Variants in ABCA13 observed in about 807,000 individuals in gnomAD.
The protein encoded by ABCA13 is ATP-binding cassette sub-family A member 13.
Under a neutral mutation model 478.7 loss-of-function variants are expected in ABCA13, and 476 were observed. That is an observed-to-expected ratio of 0.99 (90% CI 0.92 to 1.07). The LOEUF (loss-of-function observed/expected upper bound fraction) is 1.07, where lower values mean the gene tolerates loss of function less well. Among genes scored for constraint, ABCA13 ranks in the 50% least tolerant of loss-of-function variants. The pLI is 0.00. For missense variants in ABCA13, 6,060 were observed against 5,910.6 expected (o/e 1.03, Z -0.83); for synonymous variants, 2,252 against 2,158.9 (o/e 1.04, Z -1.20).
At chr7:48,540,437 A>G (rs1265392072) in intron 55 of ABCA13, among the ~76,000 whole-genome samples, 1 of 152,190 alleles carries the variant, frequency 6.6e-6, no homozygotes, top group East Asian at 1.9e-4. Context: ...TAGTTTAATT[A>G]TAACTAAATC....
intron 57 of ABCA13, among the ~76,000 whole-genome samples, chr7:48,593,374 A>G (rs58481134): frequency 0.12 from 18,862 of 151,504 alleles, 1,389 homozygotes; most frequent in East Asian, 0.18. Context: ...AACTGAACTT[A>G]TATCACATTA....
At chr7:48,397,228 G>A (rs1816958536) in intron 38 of ABCA13, among the ~76,000 whole-genome samples, 1 of 152,070 alleles carries the variant, frequency 6.6e-6, no homozygotes, top group African/African-American at 2.4e-5. Context: ...TGAGAATACA[G>A]CATATTGCTA....
At chr7:48,236,284 G>A (rs1412869033) in intron 8 of ABCA13, among the ~76,000 whole-genome samples, 1 of 152,102 alleles carries the variant, frequency 6.6e-6, no homozygotes, top group African/African-American at 2.4e-5. Flanking sequence ...TGGAGAAGCA[G>A]CTCTCTTTTT....
Position 48,372,236 on chromosome 7 carries a change from G to A in ABCA13, c.10872G>A (p.Val3624=). 1 of 1,613,934 alleles carries A rather than the reference G, an allele frequency of 6.2e-7. No homozygotes were observed. The highest frequency in any genetic ancestry group is 8.5e-7 in the Non-Finnish European group (1 of 1,179,852). The change falls in exon 33 of 62, where the codon GTG becomes GTA. Residue 3624 remains valine, a synonymous_variant. Transcript: ENST00000435803. ...FLAWFLENMA[V]LTISSATLAI... is the part of the protein sequence containing the mutation. Reference sequence around the variant, plus strand: ...CCTGGTTCCTGGAGAACATGGCTGTGTTGACCATAAGCAGTGCTACTCTGG... The same window carrying A: ...CCTGGTTCCTGGAGAACATGGCTGTATTGACCATAAGCAGTGCTACTCTGG...
At chr7:48,428,367 G>T (rs919845818) in intron 42 of ABCA13, among the ~76,000 whole-genome samples, 2 of 152,234 alleles carry the variant, frequency 1.3e-5, no homozygotes, top group African/African-American at 4.8e-5. Flanking sequence ...AGGCTTTAAT[G>T]ATTGAACAGA....
At chr7:48,226,744 A>G (rs973737763) in intron 5 of ABCA13, among the ~76,000 whole-genome samples, 4 of 152,182 alleles carry the variant, frequency 2.6e-5, no homozygotes, top group East Asian at 1.9e-4. Context: ...CATTCTTGGC[A>G]TATAATAAGA....
chr7:48,295,629 A>G, intron 20 of ABCA13, 71 bp from the exon 21 acceptor site: 1 of 1,572,514 alleles, frequency 6.4e-7, no homozygotes, highest in South Asian at 1.1e-5. Flanking sequence ...TCCTGAGACT[A>G]ATGAGAATAA....
chr7:48,276,463 A>T lies in ABCA13; in HGVS notation c.6797A>T (p.Gln2266Leu). 1 of 1,600,606 alleles carries T rather than the reference A, an allele frequency of 6.2e-7. No homozygotes were observed. The highest frequency in any genetic ancestry group is 8.5e-7 in the Non-Finnish European group (1 of 1,174,180). ...AGAAGCATAGTAGATTTCACAGAAC[A>T]GTTTTTGAAAACATTCTTCTCCCTT... ...SLRSIVDFTE[Q>L]FLKTFFSLFL... Residue 2266 changes from glutamine to leucine, a missense_variant, in exon 17 of 62, where the codon CAG (glutamine) becomes CTG (leucine). By Grantham distance (113) the Gln-to-Leu change is moderately radical. Coordinates refer to ENST00000435803, the MANE Select transcript of ABCA13 (RefSeq NM_152701.5).
At chr7:48,218,533 A>G (rs1786833506) in intron 3 of ABCA13, among the ~76,000 whole-genome samples, 1 of 152,082 alleles carries the variant, frequency 6.6e-6, no homozygotes, top group African/African-American at 2.4e-5. Context: ...TTTTTTTTAA[A>G]GCAAAGCAAA....
chr7:48,197,181 T>C (rs1798040899), intron 2 of ABCA13, among the ~76,000 whole-genome samples: 1 of 152,228 alleles, frequency 6.6e-6, no homozygotes, highest in African/African-American at 2.4e-5. Context: ...CCCAGGGTGC[T>C]GCTGCTTCCT....
intron 3 of ABCA13, among the ~76,000 whole-genome samples, chr7:48,206,274 T>C (rs1458936736): frequency 2.0e-5 from 3 of 152,226 alleles, no homozygotes; most frequent in Non-Finnish European, 4.4e-5. Flanking sequence ...TATAATACCA[T>C]ATCTTAACTG....
chr7:48,351,893 AC>A (rs1809063257), intron 30 of ABCA13, among the ~76,000 whole-genome samples: 1 of 152,338 alleles, frequency 6.6e-6, no homozygotes, highest in African/African-American at 2.4e-5. Flanking sequence ...CCTGCAAAAA[AC>A]ATCTGACAAA....
At chr7:48,197,641 C>G (rs899088232) in intron 2 of ABCA13, among the ~76,000 whole-genome samples, 1 of 152,166 alleles carries the variant, frequency 6.6e-6, no homozygotes, top group African/African-American at 2.4e-5. Context: ...TCCCACCCTC[C>G]TGATGGTGTG....
intron 57 of ABCA13, among the ~76,000 whole-genome samples, chr7:48,588,001 C>A (rs920557808): frequency 2.0e-5 from 3 of 152,124 alleles, no homozygotes; most frequent in African/African-American, 7.2e-5. Context: ...GACTTCACAC[C>A]AGTAGAGAGT....
At chr7:48,181,003 T>C (rs1795620145) in intron 1 of ABCA13, among the ~76,000 whole-genome samples, 1 of 152,102 alleles carries the variant, frequency 6.6e-6, no homozygotes, top group Non-Finnish European at 1.5e-5. Flanking sequence ...TTCTAAGTAG[T>C]AATATGGCTA....
At chr7:48,343,284 C>T (rs1265422047) in intron 29 of ABCA13, among the ~76,000 whole-genome samples, 1 of 152,176 alleles carries the variant, frequency 6.6e-6, no homozygotes, top group Non-Finnish European at 1.5e-5. Context: ...CCACGTTTTC[C>T]TAATCCATTT....
intron 56 of ABCA13, among the ~76,000 whole-genome samples, chr7:48,581,623 G>C (rs911327262): frequency 1.3e-5 from 2 of 152,192 alleles, no homozygotes; most frequent in Non-Finnish European, 2.9e-5. Flanking sequence ...AAAAGCTCTC[G>C]TTAATGTAGG....
intron 5 of ABCA13, among the ~76,000 whole-genome samples, chr7:48,225,785 G>A (rs530077718): frequency 3.9e-4 from 60 of 152,296 alleles, no homozygotes; most frequent in African/African-American, 1.4e-3. Flanking sequence ...TGAACCGATA[G>A]AGGGGAAAAG....
intron 2 of ABCA13, among the ~76,000 whole-genome samples, chr7:48,194,311 A>C (rs1356068338): frequency 6.6e-6 from 1 of 151,480 alleles, no homozygotes; most frequent in Non-Finnish European, 1.5e-5. Context: ...GATGATGATA[A>C]TGGAGATGAT....
Sources: allele counts gnomAD v4.1 joint callset (sites outside exome capture counted in the v4.1 genomes callset), GRCh38; gene constraint gnomAD v4.1.1; transcripts MANE v1.5; gene names NCBI Gene and HGNC (gene_info 2026-07-23, HGNC 2026-07-21).